The following SPIRE2 variants were observed in gnomAD, a reference collection of about 807,000 sequenced individuals.
SPIRE2 encodes spire type actin nucleation factor 2.
A neutral mutation model predicts 80.7 loss-of-function variants in SPIRE2; 76 were observed. The observed-to-expected ratio is 0.94, with a 90% CI of 0.78 to 1.14. The LOEUF (loss-of-function observed/expected upper bound fraction) is 1.14. Among genes scored for constraint, SPIRE2 ranks in the 50% most tolerant of loss-of-function variants. SPIRE2 has a pLI of 0.00. For missense variants in SPIRE2, 1,196 were observed against 1,015.3 expected (o/e 1.18, Z -2.42); for synonymous variants, 535 against 432.6 (o/e 1.24, Z -2.94).
chr16:89,846,549 C>G (rs2143798943), intron 2 of SPIRE2: 1 of 151,722 alleles, frequency 6.6e-6, no homozygotes, highest in African/African-American at 2.4e-5. Context: ...GAGTCTCTCT[C>G]TGTCACCAGG....
Position 89,870,202 on chromosome 16 carries a change from C to G in SPIRE2, c.2075C>G (p.Thr692Ser), listed in dbSNP as rs773287065. The stretch of plus-strand genomic sequence containing the variant: ...CGCAAGAGCGTGGACGTCCTCAACA[C>G]TACGCCACGACGCAGTCGCCAGACC... ...SSRKSVDVLN[T>S]TPRRSRQTQS... The change falls in exon 15 of 15, where the codon ACT becomes AGT. Residue 692 changes from threonine (T) to serine (S), a missense_variant. Coordinates refer to ENST00000378247, the MANE Select transcript of SPIRE2 (RefSeq NM_032451.2). 28 of 1,609,308 alleles carry G rather than the reference C, an allele frequency of 1.7e-5. 1 individual carries two copies. The highest frequency in any genetic ancestry group is 2.4e-5 in the Non-Finnish European group (28 of 1,177,996).
At chr16:89,846,637 CA>C (rs2041563453) in intron 2 of SPIRE2, 1 of 151,468 alleles carries the variant, frequency 6.6e-6, no homozygotes, top group African/African-American at 2.4e-5. Context: ...GCCAGCCTCT[CA>C]AGTAGCTGGG....
At position 89,854,625 on chromosome 16, in the gene SPIRE2, C is replaced by T. The variant is rs147346965; in HGVS notation, c.865C>T (p.Arg289Trp). The change falls in exon 5 of 15, where the codon CGG (arginine) becomes TGG (tryptophan). Residue 289 changes from arginine (R) to tryptophan (W), a missense_variant. By Grantham distance (101) the Arg-to-Trp change is moderately radical (BLOSUM62 -3). Coordinates refer to ENST00000378247, the MANE Select transcript of SPIRE2 (RefSeq NM_032451.2). ...GATGCTGATGCAGGACATCCGGGCC[C>T]GGAACTACAAGCTGCGCAAGGTCAT... ...FEMLMQDIRA[R>W]NYKLRKVMVD... 1.5e-5 allele frequency: 24 copies of T among 1,582,954 alleles called. No homozygotes were observed. The highest frequency in any genetic ancestry group is 3.3e-5 in the South Asian group (3 of 90,478).
chr16:89,861,150 C>T (rs997464559), intron 10 of SPIRE2, among the ~76,000 whole-genome samples: 1 of 152,140 alleles, frequency 6.6e-6, no homozygotes, highest in South Asian at 2.1e-4. Flanking sequence ...TGACTCTGGC[C>T]GTGACGCCGC....
In SPIRE2 at chr16:89,863,562, A is replaced by G; in HGVS notation, c.1662A>G (p.Glu554=). ...VRRVLVKAEM[E]KFLQNKELFS... ...GTGTGCTGGTGAAGGCCGAGATGGA[A>G]AAGTTTTTGCAGAACAAGGAGCTCT... The change falls in exon 11 of 15, where the codon GAA becomes GAG. Residue 554 remains glutamate, a synonymous_variant. Coordinates refer to ENST00000378247, the MANE Select transcript of SPIRE2 (RefSeq NM_032451.2). This position sits in a 1 kb window ranked among gnomAD's most constrained non-coding sequence, Gnocchi z 4.3. The G allele has an allele frequency of 6.2e-7, 1 of 1,614,090 alleles. No homozygotes were observed.
intron 1 of SPIRE2, 101 bp from the exon 2 acceptor site, chr16:89,845,221 G>T: frequency 9.5e-7 from 1 of 1,048,574 alleles, no homozygotes; most frequent in Non-Finnish European, 1.5e-6. Flanking sequence ...GCGGAGAGTG[G>T]GGCTGTGGTG....
intron 8 of SPIRE2, 112 bp downstream of exon 8, chr16:89,858,619 T>G: frequency 2.9e-6 from 3 of 1,028,176 alleles, no homozygotes; most frequent in Non-Finnish European, 4.0e-6. Flanking sequence ...GTGTCTCCTG[T>G]CCAGGAGCCC....
At chr16:89,852,605 C>CT (rs1265374676) in intron 3 of SPIRE2, among the ~76,000 whole-genome samples, 2 of 38,372 alleles carry the variant, frequency 5.2e-5, no homozygotes, top group Non-Finnish European at 5.2e-5. Flanking sequence ...CATCCTCCCT[C>CT]CACCCCCCAG....
chr16:89,868,834 GAC>G (rs2041811258), intron 13 of SPIRE2, among the ~76,000 whole-genome samples: 1 of 151,578 alleles, frequency 6.6e-6, no homozygotes, highest in Non-Finnish European at 1.5e-5. Context: ...CAGCCTGGGT[GAC>G]AGAGACTCCG....
intron 3 of SPIRE2, among the ~76,000 whole-genome samples, chr16:89,852,985 C>T (rs1428413285): frequency 7.3e-6 from 1 of 137,236 alleles, no homozygotes; most frequent in Admixed American, 7.5e-5. Context: ...GATCCCATGG[C>T]CCGTCTTCCA....
At position 89,828,515 on chromosome 16, in the gene SPIRE2, C is replaced by T. The variant is rs1278059654; in HGVS notation, c.-36C>T. 2 of 1,025,650 alleles carry T rather than the reference C, an allele frequency of 1.9e-6. No homozygotes were observed. The highest frequency in any genetic ancestry group is 4.7e-4 in the Middle Eastern group (1 of 2,118). 63.5% of individuals were successfully genotyped at this position (1,025,650 alleles called of 1,614,324 possible). ...GGCGGAAGGCGCGGCTGCATGGACGCGGGTCCGGCGCGCGGGAGGCGATGA... is the reference window on the plus strand; with the variant it reads ...GGCGGAAGGCGCGGCTGCATGGACGTGGGTCCGGCGCGCGGGAGGCGATGA... On this transcript the variant is annotated 5_prime_UTR_variant, in exon 1 of 15. Coordinates refer to ENST00000378247, the MANE Select transcript of SPIRE2 (RefSeq NM_032451.2). The surrounding 1 kb of genome is among the most constrained non-coding windows in gnomAD (Gnocchi z 5.9).
At position 89,870,116 on chromosome 16, in the gene SPIRE2, T is replaced by C; in HGVS notation, c.1989T>C (p.Cys663=). Reference sequence around the variant, plus strand: ...TCCCCCACATCTACTCCCACGGCTGTGTCCTGAAGGATGTCTGCAGTGAGT... The same window carrying C: ...TCCCCCACATCTACTCCCACGGCTGCGTCCTGAAGGATGTCTGCAGTGAGT... The part of the protein sequence containing the change: ...EAFPHIYSHG[C]VLKDVCSECT... Residue 663 remains cysteine (C), a synonymous_variant, in exon 15 of 15, where the codon TGT becomes TGC. Transcript: ENST00000378247. The C allele has an allele frequency of 1.9e-6, 3 of 1,613,600 alleles. No homozygotes were observed. Among genetic ancestry groups the C allele is most frequent in the Non-Finnish European group, 2.5e-6 (3 of 1,179,840 alleles).
intron 1 of SPIRE2, among the ~76,000 whole-genome samples, chr16:89,834,908 C>A (rs1039525798): frequency 8.5e-6 from 1 of 117,956 alleles, no homozygotes; most frequent in African/African-American, 3.4e-5. Context: ...TAGAAGGCCC[C>A]ACAAGCATAG....
At chr16:89,843,822 C>G (rs117880578) in intron 1 of SPIRE2, among the ~76,000 whole-genome samples, 7,246 of 130,370 alleles carry the variant, frequency 0.056, 362 homozygotes, top group East Asian at 0.21. Context: ...ACCTCAGTCT[C>G]CCGAGTAGCT....
chr16:89,869,053 A>AAACAAACATATATATAT, intron 13 of SPIRE2, among the ~76,000 whole-genome samples: 1 of 24,036 alleles, frequency 4.2e-5, no homozygotes, highest in African/African-American at 1.6e-4. Flanking sequence ...AAAAAAAAAA[A>AAACAAACATATATATAT]ATATATATAT....
Position 89,869,047 on chromosome 16 carries a change from A to T in SPIRE2, c.1807-520A>T, listed in dbSNP as rs1369901306. Among the ~76,000 whole-genome samples, 709 of 34,570 alleles carry T rather than the reference A, an allele frequency of 0.021. 62 individuals are homozygous for T. In the East Asian group the frequency reaches 0.45, roughly 22 times the overall value. 22.7% of individuals were successfully genotyped at this position (34,570 alleles called of 152,430 possible). A position where few individuals can be genotyped will look rare whatever the true frequency, so the allele number is the denominator to read the frequency against. On this transcript the variant is annotated intron_variant, in intron 13 of 14. Transcript: ENST00000378247. ...TCTGTGTCTTAAAAAAAAAAAAAAA[A>T]AAAAAAATATATATATATATATATA...
At chr16:89,850,158 C>T (rs1448421969) in intron 2 of SPIRE2, 146 bp from the exon 3 acceptor site, 1 of 749,172 alleles carries the variant, frequency 1.3e-6, no homozygotes, top group South Asian at 1.5e-5. Context: ...TTCATCCGGT[C>T]CATGTCTTGC....
intron 12 of SPIRE2, 150 bp from the exon 13 acceptor site, chr16:89,868,039 G>T: frequency 1.2e-6 from 1 of 837,004 alleles, no homozygotes; most frequent in Non-Finnish European, 2.0e-6. Context: ...GCAAGATTTT[G>T]GAGTAAAATA....
chr16:89,865,837 G>C (rs928817648), intron 12 of SPIRE2, among the ~76,000 whole-genome samples: 1 of 151,732 alleles, frequency 6.6e-6, no homozygotes, highest in African/African-American at 2.4e-5. Flanking sequence ...GCGTGGTGGC[G>C]GGTGCCTGTA....
Sources: gnomAD v4.1 joint callset for allele counts (sites outside exome capture counted in the v4.1 genomes callset) on GRCh38, gnomAD v4.1.1 for gene constraint, Gnocchi (gnomAD v3.1) non-coding constraint, MANE v1.5 for transcripts, NCBI Gene and HGNC (gene_info 2026-07-23, HGNC 2026-07-21) for gene names.